NPAS3: variants seen among roughly 807,000 people sequenced by gnomAD.
NPAS3 encodes the protein neuronal PAS domain protein 3.
Under a neutral mutation model 73.1 loss-of-function variants are expected in NPAS3, and 14 were observed. The ratio of observed to expected loss-of-function variants is 0.19; its 90% CI spans 0.13 to 0.30. The LOEUF (loss-of-function observed/expected upper bound fraction) is 0.30, where lower values mean the gene tolerates loss of function less well. Ranked by LOEUF, NPAS3 falls within the 10% of genes least tolerant of loss-of-function variation. The pLI, the probability that NPAS3 is intolerant of heterozygous loss-of-function variation, is 1.00. For synonymous variants in NPAS3, 620 were observed against 541.5 expected, an observed-to-expected ratio of 1.14 and a Z score of -2.01; for missense variants, 1,096 against 1,250.0, an observed-to-expected ratio of 0.88 and a Z score of 1.86.
At position 33,284,770 on chromosome 14, in the gene NPAS3, ATCTATCTATC is replaced by A. The variant is rs902871228; in HGVS notation, c.385+69346_385+69355del. Among the ~76,000 whole-genome samples the A allele has an allele frequency of 4.6e-3, 75 of 16,256 alleles. 1 individual carries two copies. Among genetic ancestry groups the A allele is most frequent in the East Asian group, 7.9e-3 (2 of 252 alleles). 10.7% of individuals were successfully genotyped at this position (16,256 alleles called of 152,430 possible). On this transcript the variant is annotated intron_variant, in intron 3 of 11. Coordinates refer to ENST00000356141, the Ensembl canonical transcript of NPAS3. The stretch of plus-strand genomic sequence containing the variant: ...TATCTATATATCTATATCTATATCT[ATCTATCTATC>A]TATCTATCTATCTATCTATCTATCT...
intron 4 of NPAS3, among the ~76,000 whole-genome samples, chr14:33,510,510 A>G (rs1027251331): frequency 6.6e-5 from 10 of 152,070 alleles, no homozygotes; most frequent in African/African-American, 2.4e-4. Flanking sequence ...TGAAAAGGAC[A>G]TACAATTCCT....
At chr14:33,177,071 T>TTTATTATTA (rs58286290) in intron 2 of NPAS3, among the ~76,000 whole-genome samples, 27,875 of 137,950 alleles carry the variant, frequency 0.2, 3,339 homozygotes, top group Non-Finnish European at 0.27. Flanking sequence ...TGTTTATCTT[T>TTTATTATTA]TTATTATTAT....
intron 3 of NPAS3, among the ~76,000 whole-genome samples, chr14:33,309,617 C>CTG (rs2042919018): frequency 6.6e-6 from 1 of 152,112 alleles, no homozygotes; most frequent in African/African-American, 2.4e-5. Flanking sequence ...TCCAAATGGG[C>CTG]TGTCTGTGCC....
At chr14:33,244,834 T>C (rs2048325577) in intron 3 of NPAS3, among the ~76,000 whole-genome samples, 2 of 152,212 alleles carry the variant, frequency 1.3e-5, no homozygotes, top group African/African-American at 2.4e-5. Flanking sequence ...ACTTGAGTGG[T>C]CGTGCCTTCC....
chr14:33,223,954 T>C (rs1433765033), intron 3 of NPAS3, among the ~76,000 whole-genome samples: 1 of 152,138 alleles, frequency 6.6e-6, no homozygotes, highest in Non-Finnish European at 1.5e-5. Flanking sequence ...AAGTACAAAA[T>C]ATATGATAAA....
At chr14:32,970,972 T>C (rs1449175451) in intron 1 of NPAS3, among the ~76,000 whole-genome samples, 1 of 152,084 alleles carries the variant, frequency 6.6e-6, no homozygotes, top group Non-Finnish European at 1.5e-5. Context: ...CCATGACACC[T>C]ACCCAGGGTG....
chr14:33,304,848 T>A (rs1032524021), intron 3 of NPAS3, among the ~76,000 whole-genome samples: 22 of 152,176 alleles, frequency 1.4e-4, no homozygotes, highest in African/African-American at 5.3e-4. Context: ...GGTGAAATTA[T>A]TATATAAGTT....
At chr14:33,388,738 A>C (rs1173516220) in intron 4 of NPAS3, among the ~76,000 whole-genome samples, 1 of 152,236 alleles carries the variant, frequency 6.6e-6, no homozygotes, top group East Asian at 1.9e-4. Flanking sequence ...TAAGGAACTT[A>C]TTCAAATTTA....
intron 5 of NPAS3, among the ~76,000 whole-genome samples, chr14:33,667,176 A>G (rs1429959954): frequency 1.4e-5 from 2 of 141,938 alleles, no homozygotes; most frequent in African/African-American, 2.6e-5. Flanking sequence ...GTGGTAATGT[A>G]TACTTATAGC....
At chr14:33,382,802 A>G (rs574985218) in intron 4 of NPAS3, among the ~76,000 whole-genome samples, 2 of 152,310 alleles carry the variant, frequency 1.3e-5, no homozygotes, top group South Asian at 4.1e-4. Context: ...TTATATTTTT[A>G]AAAATTCCAG....
intron 1 of NPAS3, among the ~76,000 whole-genome samples, chr14:32,989,539 C>T (rs989494826): frequency 3.3e-5 from 5 of 151,918 alleles, no homozygotes. Context: ...AGCTACGCGG[C>T]AGGCTGAGGC....
intron 4 of NPAS3, among the ~76,000 whole-genome samples, chr14:33,487,092 A>G (rs926666532): frequency 1.3e-5 from 2 of 152,202 alleles, no homozygotes; most frequent in African/African-American, 4.8e-5. Context: ...AGGAAAGAAG[A>G]GAAGCTTCCA....
chr14:33,041,851 G>T (rs1321202785), intron 1 of NPAS3, among the ~76,000 whole-genome samples: 1 of 152,136 alleles, frequency 6.6e-6, no homozygotes, highest in Non-Finnish European at 1.5e-5. Flanking sequence ...CAGGGAGCAG[G>T]TGGTTAGTTA....
chr14:33,091,069 A>T (rs569211447), intron 2 of NPAS3, among the ~76,000 whole-genome samples: 4 of 152,358 alleles, frequency 2.6e-5, no homozygotes, highest in Admixed American at 6.5e-5. Context: ...CTAACATCAC[A>T]ATTAAAAGAA....
At chr14:33,406,167 C>T (rs946498335) in intron 4 of NPAS3, among the ~76,000 whole-genome samples, 2 of 152,112 alleles carry the variant, frequency 1.3e-5, no homozygotes, top group Non-Finnish European at 2.9e-5. Context: ...TGGAACATAA[C>T]AACTATAGCA....
chr14:33,567,548 G>A (rs1041713023), intron 5 of NPAS3, among the ~76,000 whole-genome samples: 13 of 152,178 alleles, frequency 8.5e-5, no homozygotes, highest in African/African-American at 4.8e-5. Flanking sequence ...TATCTGCAAG[G>A]AATCATATTT....
chr14:32,939,324 C>T lies in NPAS3; in HGVS notation c.8C>T (p.Pro3Leu), dbSNP rs368313740. Reference sequence around the variant, plus strand: ...AAAAAAAATAGCAGGAAGATGGCGCCCACCAAGCCCAGCTTTCAGCAGGAT... The same window carrying T: ...AAAAAAAATAGCAGGAAGATGGCGCTCACCAAGCCCAGCTTTCAGCAGGAT... Residue 3 changes from proline to leucine, a missense_variant, in exon 1 of 12, where the codon CCC becomes CTC. Pro to Leu is a moderately conservative substitution (Grantham distance 98). Transcript: ENST00000356141. The T allele has an allele frequency of 1.5e-5, 11 of 735,652 alleles. No homozygotes were observed. The highest frequency in any genetic ancestry group is 2.2e-5 in the Non-Finnish European group (9 of 417,476). The allele number at this position is 735,652 out of a possible 1,614,324, so 45.6% of individuals were successfully genotyped here.
At chr14:33,597,545 C>G (rs939467074) in intron 5 of NPAS3, among the ~76,000 whole-genome samples, 7 of 152,202 alleles carry the variant, frequency 4.6e-5, no homozygotes, top group African/African-American at 1.7e-4. Flanking sequence ...GATTTAGAAA[C>G]AGGTTTAGCT....
At chr14:33,118,823 T>C (rs1252338490) in intron 2 of NPAS3, among the ~76,000 whole-genome samples, 8 of 151,908 alleles carry the variant, frequency 5.3e-5, no homozygotes, top group Non-Finnish European at 1.0e-4. Context: ...GTGGCCTGCG[T>C]TTGCCTGGAG....
Sources: gnomAD v4.1 joint callset for allele counts (sites outside exome capture counted in the v4.1 genomes callset) on GRCh38, gnomAD v4.1.1 for gene constraint, MANE v1.5 for transcripts, NCBI Gene and HGNC (gene_info 2026-07-23, HGNC 2026-07-21) for gene names.